CNKSR2: variants seen among roughly 807,000 people sequenced by gnomAD.
CNKSR2 encodes connector enhancer of kinase suppressor of Ras 2.
CNKSR2 carries 14 observed loss-of-function variants against 84.4 expected under a neutral mutation model. The ratio of observed to expected loss-of-function variants is 0.17; its 90% confidence interval spans 0.11 to 0.26. CNKSR2 has a LOEUF of 0.26. Among genes scored for constraint, CNKSR2 ranks in the 10% least tolerant of loss-of-function variants. The pLI is 1.00. For synonymous variants in CNKSR2, 275 were observed against 277.9 expected, an observed-to-expected ratio of 0.99 and a Z score of 0.10; for missense variants, 485 against 771.2, an observed-to-expected ratio of 0.63 and a Z score of 4.40.
At chrX:21,466,736 C>T (rs1462416114) in intron 4 of CNKSR2, among the ~76,000 whole-genome samples, 4 of 111,193 alleles carry the variant, frequency 3.6e-5, no homozygotes, top group Non-Finnish European at 7.5e-5. Flanking sequence ...AGGCATGTGC[C>T]ACCACACCCA....
At chrX:21,479,283 TAC>T (rs1016271615) in intron 5 of CNKSR2, among the ~76,000 whole-genome samples, 6 of 110,543 alleles carry the variant, frequency 5.4e-5, no homozygotes, top group African/African-American at 1.3e-4. Context: ...GGTGTGTGTA[TAC>T]ACACACACAC....
intron 9 of CNKSR2, 62 bp downstream of exon 9, chrX:21,516,693 C>T: frequency 9.7e-7 from 1 of 1,035,298 alleles, no homozygotes; most frequent in Non-Finnish European, 1.3e-6. Context: ...CTCAGTAATG[C>T]TTCTTTATTG....
intron 11 of CNKSR2, among the ~76,000 whole-genome samples, chrX:21,559,112 G>A (rs73451481): frequency 0.014 from 1,604 of 111,009 alleles, 35 homozygotes; most frequent in African/African-American, 0.05. Flanking sequence ...CCCTACTTTC[G>A]ATGGGCAGAA....
At chrX:21,399,889 A>G (rs1449656206) in intron 1 of CNKSR2, among the ~76,000 whole-genome samples, 2 of 111,614 alleles carry the variant, frequency 1.8e-5, no homozygotes. Flanking sequence ...TGAGTTATTC[A>G]ATTTTCTCAT....
chrX:21,648,147 G>A (rs760714476), intron 20 of CNKSR2, among the ~76,000 whole-genome samples: 1 of 110,854 alleles, frequency 9.0e-6, no homozygotes, highest in Non-Finnish European at 1.9e-5. Flanking sequence ...CTCTATATTT[G>A]CATATAAACA....
At chrX:21,546,134 G>C in intron 11 of CNKSR2, among the ~76,000 whole-genome samples, 1 of 110,078 alleles carries the variant, frequency 9.1e-6, no homozygotes, top group Non-Finnish European at 1.9e-5. Flanking sequence ...TGAGCTAAAA[G>C]AGCATGTTCT....
At chrX:21,598,008 CATAT>C (rs201782311) in intron 17 of CNKSR2, among the ~76,000 whole-genome samples, 68 of 102,185 alleles carry the variant, frequency 6.7e-4, no homozygotes, top group African/African-American at 2.1e-3. Flanking sequence ...AAATCATACA[CATAT>C]ATATATATAT....
chrX:21,537,611 A>G (rs1378470996), intron 11 of CNKSR2, among the ~76,000 whole-genome samples: 1 of 111,643 alleles, frequency 9.0e-6, no homozygotes, highest in Non-Finnish European at 1.9e-5. Flanking sequence ...TTGTCATTAT[A>G]TAATGACCTT....
At chrX:21,582,988 T>C (rs2092362517) in intron 13 of CNKSR2, among the ~76,000 whole-genome samples, 1 of 112,036 alleles carries the variant, frequency 8.9e-6, no homozygotes, top group Admixed American at 9.5e-5. Context: ...AGTTGTAGTT[T>C]GACTGACCTT....
intron 20 of CNKSR2, among the ~76,000 whole-genome samples, chrX:21,624,251 T>A (rs1178466789): frequency 8.9e-6 from 1 of 111,870 alleles, no homozygotes; most frequent in African/African-American, 3.2e-5. Context: ...TACTTGACAG[T>A]CAGCAAAAGT....
In CNKSR2 at chrX:21,653,351, A is replaced by T. The variant is rs759826242; in HGVS notation, c.*830A>T. On this transcript the variant is annotated 3_prime_UTR_variant, in exon 22 of 22. Transcript: ENST00000379510. ...CTTAACACACCCAGAAAGGCAGCTA[A>T]CAGCTATATATATATATAAATTTCA... The T allele has an allele frequency of 2.7e-5, 3 of 110,445 alleles. No individual in the cohort carries two copies. Among genetic ancestry groups the T allele is most frequent in the Non-Finnish European group, 5.7e-5 (3 of 52,875 alleles). The allele number at this position is 110,445 out of a possible 1,213,427, so 9.1% of individuals were successfully genotyped here.
At chrX:21,539,766 T>C (rs900628342) in intron 11 of CNKSR2, among the ~76,000 whole-genome samples, 1 of 111,490 alleles carries the variant, frequency 9.0e-6, no homozygotes, top group Non-Finnish European at 1.9e-5. Context: ...TCTTTGTCTA[T>C]AGTCACTCTT....
At chrX:21,489,723 GT>G (rs1293141059) in intron 5 of CNKSR2, among the ~76,000 whole-genome samples, 1 of 112,037 alleles carries the variant, frequency 8.9e-6, no homozygotes, top group African/African-American at 3.2e-5. Context: ...TCTACTAATT[GT>G]TTAAGCTCAT....
chrX:21,432,432 A>G (rs1315950746), intron 2 of CNKSR2, among the ~76,000 whole-genome samples, 180 bp from the exon 3 acceptor site: 1 of 111,624 alleles, frequency 9.0e-6, no homozygotes, highest in Non-Finnish European at 1.9e-5. Flanking sequence ...TAATTTCTTT[A>G]TATGACATCT....
chrX:21,392,795 C>G (rs1038949405), intron 1 of CNKSR2, among the ~76,000 whole-genome samples: 2 of 111,375 alleles, frequency 1.8e-5, no homozygotes, highest in African/African-American at 6.5e-5. Context: ...TTATTTTCAT[C>G]TTATAATGAG....
chrX:21,639,365 G>A (rs1236296529), intron 20 of CNKSR2, among the ~76,000 whole-genome samples: 2 of 111,668 alleles, frequency 1.8e-5, no homozygotes, highest in African/African-American at 3.3e-5. Context: ...CACCTGGCTC[G>A]CCAGTACACG....
At chrX:21,477,245 TATATGG>T (rs2091269412) in intron 5 of CNKSR2, among the ~76,000 whole-genome samples, 1 of 112,311 alleles carries the variant, frequency 8.9e-6, no homozygotes, top group East Asian at 2.8e-4. Flanking sequence ...TATGGCCTTG[TATATGG>T]CACTTTGTAT....
intron 11 of CNKSR2, among the ~76,000 whole-genome samples, chrX:21,540,673 T>G (rs1345233019): frequency 1.8e-5 from 2 of 111,988 alleles, no homozygotes; most frequent in African/African-American, 6.5e-5. Context: ...CTGTTCTTGG[T>G]CACAAAAACC....
chrX:21,495,204 A>T (rs1189516278), intron 6 of CNKSR2: 2 of 111,800 alleles, frequency 1.8e-5, no homozygotes, highest in Non-Finnish European at 3.8e-5. Flanking sequence ...CTCTGGAGTC[A>T]GACTGCCTGG....
Sources: gnomAD v4.1 joint callset for allele counts (sites outside exome capture counted in the v4.1 genomes callset) on GRCh38, gnomAD v4.1.1 for gene constraint, MANE v1.5 for transcripts, NCBI Gene and HGNC (gene_info 2026-07-23, HGNC 2026-07-21) for gene names.